ADCY7: variants seen among roughly 807,000 people sequenced by gnomAD.
The protein encoded by ADCY7 is adenylate cyclase type 7.
ADCY7 carries 72 observed loss-of-function variants against 120.6 expected under a neutral mutation model. The observed-to-expected ratio is 0.60, with a 90% CI of 0.49 to 0.73. The LOEUF is 0.73. ADCY7 is among the 30% of genes least tolerant of loss of function. The probability of loss-of-function intolerance (pLI) is 0.00; values close to 1 mark genes in which losing one functional copy is unlikely to be tolerated. For synonymous variants in ADCY7, 661 were observed against 628.0 expected, an observed-to-expected ratio of 1.05 and a Z score of -0.78; for missense variants, 1,227 against 1,486.0, an observed-to-expected ratio of 0.83 and a Z score of 2.87.
chr16:50,264,880 A>C (rs1172347365), upstream of ADCY7, among the ~76,000 whole-genome samples: 1 of 135,656 alleles, frequency 7.4e-6, no homozygotes, highest in Non-Finnish European at 1.5e-5. Context: ...TCTGTTGCCC[A>C]GGCTGGAGTG....
chr16:50,309,494 G>C, intron 17 of ADCY7, 54 bp from the exon 18 acceptor site: 1 of 1,497,290 alleles, frequency 6.7e-7, no homozygotes. Flanking sequence ...GCATGGCTTG[G>C]GCAGGTTCCA....
intron 2 of ADCY7, among the ~76,000 whole-genome samples, chr16:50,288,786 G>GGGC (rs1567551377): frequency 2.6e-5 from 4 of 152,068 alleles, no homozygotes; most frequent in Non-Finnish European, 5.9e-5. Context: ...CCAATGCTCT[G>GGGC]TCTTTTACAG....
In ADCY7 at chr16:50,297,199, G is replaced by A. The variant is rs1313148286; in HGVS notation, c.949-1705G>A. 6.6e-6 allele frequency among the ~76,000 whole-genome samples: 1 copy of A among 152,154 alleles called. No homozygotes were observed. Among genetic ancestry groups the A allele is most frequent in the Non-Finnish European group, 1.5e-5 (1 of 68,022 alleles). On this transcript the variant is annotated intron_variant, in intron 7 of 25. Transcript: ENST00000673801. This position sits in a 1 kb window ranked among gnomAD's most constrained non-coding sequence, Gnocchi z 4.4. The stretch of plus-strand genomic sequence containing the variant: ...GCAGAGTTGGGCAGGGCTGGTCCCA[G>A]CCTTTTCTCCTATCAACAATCAGAT...
At position 50,313,851 on chromosome 16, in the gene ADCY7, G is replaced by A; in HGVS notation, c.2752-107G>A. The A allele has an allele frequency of 9.5e-6, 8 of 840,706 alleles. No homozygotes were observed. The South Asian group carries it at 1.3e-4, about 13-fold the overall frequency. 52.1% of individuals were successfully genotyped at this position (840,706 alleles called of 1,614,324 possible). A position where few individuals can be genotyped will look rare whatever the true frequency, so the allele number is the denominator to read the frequency against. ...GGGCAGCCATGAGACGTGTGTGCGAGAGGCGGCGATGGGTGGAGGGAACCC... is the reference window on the plus strand; with the variant it reads ...GGGCAGCCATGAGACGTGTGTGCGAAAGGCGGCGATGGGTGGAGGGAACCC... On this transcript the variant is annotated intron_variant, in intron 22 of 25. Transcript: ENST00000673801.
chr16:50,297,857 G>A lies in ADCY7; in HGVS notation c.949-1047G>A, dbSNP rs1020654519. ...GGCCACCTGCTGGGGCGTCCAGTCC[G>A]AGGGTCAGCTGAGTGGGGTAGAGGG... On this transcript the variant is annotated intron_variant, in intron 7 of 25. Transcript: ENST00000673801. This position sits in a 1 kb window ranked among gnomAD's most constrained non-coding sequence, Gnocchi z 4.4. Among the ~76,000 whole-genome samples, 6 of 152,174 alleles carry A rather than the reference G, an allele frequency of 3.9e-5. No individual in the cohort carries two copies. Among genetic ancestry groups the A allele is most frequent in the Non-Finnish European group, 8.8e-5 (6 of 68,018 alleles).
intron 10 of ADCY7, among the ~76,000 whole-genome samples, chr16:50,302,649 A>G (rs958752320): frequency 6.8e-6 from 1 of 147,498 alleles, no homozygotes; most frequent in Non-Finnish European, 1.5e-5. Context: ...GTGTTGTAGA[A>G]AGACTCCTTG....
At chr16:50,314,215 C>A in intron 23 of ADCY7, 77 bp from the exon 24 acceptor site, 1 of 1,480,386 alleles carries the variant, frequency 6.8e-7, no homozygotes, top group Non-Finnish European at 9.4e-7. Context: ...GGATCCTCAA[C>A]AAGAGTGGCG....
intron 1 of ADCY7, among the ~76,000 whole-genome samples, chr16:50,248,991 C>T (rs962439127): frequency 2.0e-5 from 3 of 152,192 alleles, no homozygotes; most frequent in Non-Finnish European, 4.4e-5. Flanking sequence ...GTCCTGCCTC[C>T]TCTTCCCAGA....
chr16:50,270,080 C>T (rs968464126), intron 1 of ADCY7, among the ~76,000 whole-genome samples: 7 of 151,994 alleles, frequency 4.6e-5, no homozygotes, highest in Non-Finnish European at 1.0e-4. Flanking sequence ...GTCCCAGCTA[C>T]GCAGGAGGAT....
rs370229674 is a variant in ADCY7 at position 50,297,952 on chromosome 16, C to T, written c.949-952C>T. ...CCCTAAAGCCCCACCCATGAGGCCT[C>T]GGTGCATGTGGCCACCCTTGCTGAG... On this transcript the variant is annotated intron_variant, in intron 7 of 25. Coordinates refer to ENST00000673801, the MANE Select transcript of ADCY7 (RefSeq NM_001114.5). This position sits in a 1 kb window ranked among gnomAD's most constrained non-coding sequence, Gnocchi z 4.4. Among the ~76,000 whole-genome samples the T allele has an allele frequency of 1.3e-5, 2 of 152,136 alleles. No individual in the cohort carries two copies. Among genetic ancestry groups the T allele is most frequent in the East Asian group, 1.9e-4 (1 of 5,150 alleles).
chr16:50,255,297 T>A (rs552468258), intron 1 of ADCY7, among the ~76,000 whole-genome samples: 47 of 145,534 alleles, frequency 3.2e-4, no homozygotes, highest in African/African-American at 9.3e-4. Context: ...CCAATTAAAA[T>A]ATATATATAT....
At chr16:50,313,625 CCAAACAGAGGAAAT>C in intron 22 of ADCY7, 1 of 281,800 alleles carries the variant, frequency 3.5e-6, no homozygotes, top group Non-Finnish European at 6.6e-6. Context: ...ATCAACCAAG[CCAAACAGAGGAAAT>C]CAGTTTGGGT....
At chr16:50,314,902 AGTT>A (rs3841348) in intron 24 of ADCY7, 109 bp from the exon 25 acceptor site, 291,699 of 1,444,246 alleles carry the variant, frequency 0.2, 31,210 homozygotes, top group East Asian at 0.35. Context: ...CCTTCACTCT[AGTT>A]GTTTTGTCCC....
intron 1 of ADCY7, among the ~76,000 whole-genome samples, chr16:50,249,595 T>C (rs953376344): frequency 6.6e-6 from 1 of 152,252 alleles, no homozygotes; most frequent in African/African-American, 2.4e-5. Context: ...CTTTTGGACC[T>C]GGACATTTGG....
chr16:50,310,288 G>A (rs187875868), intron 18 of ADCY7, among the ~76,000 whole-genome samples: 3 of 152,244 alleles, frequency 2.0e-5, no homozygotes, highest in African/African-American at 2.4e-5. Context: ...CAGGAATGCC[G>A]GGGTGTGAAG....
intron 10 of ADCY7, among the ~76,000 whole-genome samples, chr16:50,303,469 T>G (rs912705625): frequency 9.2e-5 from 14 of 152,176 alleles, no homozygotes; most frequent in Non-Finnish European, 1.3e-4. Context: ...TTTCAGGGGC[T>G]AAGGAGAGAC....
upstream of ADCY7, among the ~76,000 whole-genome samples, chr16:50,266,250 G>A (rs763924984): frequency 9.9e-5 from 15 of 152,238 alleles, no homozygotes; most frequent in Non-Finnish European, 2.2e-4. Flanking sequence ...CACTAAGGAT[G>A]CATTTGCTCC....
Position 50,312,063 on chromosome 16 carries a change from C to G in ADCY7, c.2476C>G (p.Leu826Val). Residue 826 changes from leucine (L) to valine (V), a missense_variant, in exon 21 of 26, where the codon CTA becomes GTA. By Grantham distance (32) the Leu-to-Val change is conservative. This residue lies in a region of ADCY7 where 267 missense variants were observed against 270.0 expected (regional missense o/e 0.99). Transcript: ENST00000673801. ...QIDYYCRLDC[L>V]WKKKFKKEHE... ...TGACTATTACTGCCGCTTGGACTGCCTATGGAAGAAGAAGTTCAAGAAGGA... is the reference window on the plus strand; with the variant it reads ...TGACTATTACTGCCGCTTGGACTGCGTATGGAAGAAGAAGTTCAAGAAGGA... 1 of 1,614,220 alleles carries G rather than the reference C, an allele frequency of 6.2e-7. No homozygotes were observed. Among genetic ancestry groups the G allele is most frequent in the Non-Finnish European group, 8.5e-7 (1 of 1,180,042 alleles).
intron 8 of ADCY7, among the ~76,000 whole-genome samples, chr16:50,299,790 C>A (rs939373927): frequency 6.6e-6 from 1 of 152,212 alleles, no homozygotes; most frequent in Non-Finnish European, 1.5e-5. Flanking sequence ...TCGTGCACCT[C>A]TGGTTCCGAC....
Sources: gnomAD v4.1 joint callset for allele counts (sites outside exome capture counted in the v4.1 genomes callset) on GRCh38, gnomAD v4.1.1 for gene constraint, gnomAD v4.1.1 regional missense constraint, Gnocchi (gnomAD v3.1) non-coding constraint, MANE v1.5 for transcripts, NCBI Gene and HGNC (gene_info 2026-07-23, HGNC 2026-07-21) for gene names.